The following ARID1A variants were observed in gnomAD, a reference collection of about 807,000 sequenced individuals.
ARID1A encodes AT-rich interaction domain 1A, also known as AT-rich interactive domain-containing protein 1A.
ARID1A carries 20 observed loss-of-function variants against 212.6 expected under a neutral mutation model. That is an observed-to-expected ratio of 0.09 (90% CI 0.07 to 0.14). The LOEUF (loss-of-function observed/expected upper bound fraction) is 0.14. Ranked by LOEUF, ARID1A falls within the 10% of genes least tolerant of loss-of-function variation. The pLI is 1.00. For missense variants in ARID1A, 2,587 were observed against 3,059.0 expected (o/e 0.85, Z 3.64); for synonymous variants, 1,376 against 1,222.1 (o/e 1.13, Z -2.63).
At chr1:26,714,226 G>T (rs2080480253) in intron 1 of ARID1A, among the ~76,000 whole-genome samples, 1 of 152,156 alleles carries the variant, frequency 6.6e-6, no homozygotes, top group South Asian at 2.1e-4. Context: ...TGAAGTGAGG[G>T]TCTCCTGTAC....
chr1:26,773,233 G>A lies in ARID1A; in HGVS notation c.3716-113G>A, dbSNP rs910913032. The A allele has an allele frequency of 3.5e-5, 50 of 1,429,306 alleles. No homozygotes were observed. In the African/African-American group the frequency reaches 6.6e-4, roughly 19 times the overall value. 88.5% of individuals were successfully genotyped at this position (1,429,306 alleles called of 1,614,324 possible). A position where few individuals can be genotyped will look rare whatever the true frequency, so the allele number is the denominator to read the frequency against. On this transcript the variant is annotated intron_variant, in intron 14 of 19. Transcript: ENST00000324856. ...CTCTTTAGATCTCTGTTTTGAACTT[G>A]TCTGGAAAACAATGAGATCAAACCT...
Position 26,696,456 on chromosome 1 carries a change from C to T in ARID1A, c.53C>T (p.Pro18Leu). The change falls in exon 1 of 20, where the codon CCG becomes CTG. Residue 18 changes from proline to leucine, a missense_variant. By Grantham distance (98) the Pro-to-Leu change is moderately conservative (BLOSUM62 -3). Transcript: ENST00000324856. Reference protein sequence around the residue: ...AAASSLGNPPPPPPSELKKAE... With the variant: ...AAASSLGNPPLPPPSELKKAE... ...GCCAGCAGCCTGGGCAACCCGCCGC[C>T]GCCGCCGCCCTCGGAGCTGAAGAAA... 1 of 1,290,352 alleles carries T rather than the reference C, an allele frequency of 7.7e-7. No individual in the cohort carries two copies. The highest frequency in any genetic ancestry group is 9.8e-7 in the Non-Finnish European group (1 of 1,020,718). 79.9% of individuals were successfully genotyped at this position (1,290,352 alleles called of 1,614,324 possible).
chr1:26,771,567 A>G lies in ARID1A; in HGVS notation c.3406+241A>G. The G allele has an allele frequency of 1.8e-6, 1 of 545,082 alleles. No homozygotes were observed. The highest frequency in any genetic ancestry group is 2.3e-5 in the South Asian group (1 of 43,832). 33.8% of individuals were successfully genotyped at this position (545,082 alleles called of 1,614,324 possible). A position where few individuals can be genotyped will look rare whatever the true frequency, so the allele number is the denominator to read the frequency against. On this transcript the variant is annotated intron_variant, in intron 12 of 19. Coordinates refer to ENST00000324856, the MANE Select transcript of ARID1A (RefSeq NM_006015.6). The surrounding 1 kb of genome is among the most constrained non-coding windows in gnomAD (Gnocchi z 5.4). Reference sequence around the variant, plus strand: ...TGTTGTGCAGCTGACAACTTGCCAAATGTTTGTAAACTGGTGAATGGGAGG... The same window carrying G: ...TGTTGTGCAGCTGACAACTTGCCAAGTGTTTGTAAACTGGTGAATGGGAGG...
At chr1:26,749,967 C>G (rs192381238) in intron 4 of ARID1A, among the ~76,000 whole-genome samples, 2 of 152,302 alleles carry the variant, frequency 1.3e-5, no homozygotes, top group African/African-American at 4.8e-5. Flanking sequence ...AAAGAGGATG[C>G]TTTTGAGTAG....
intron 1 of ARID1A, among the ~76,000 whole-genome samples, chr1:26,706,249 G>A (rs1264488555): frequency 6.6e-6 from 1 of 152,040 alleles, no homozygotes; most frequent in African/African-American, 2.4e-5. Context: ...TCCTCCCTTG[G>A]CACTGGCAGA....
chr1:26,757,354 C>T lies in ARID1A; in HGVS notation c.1921-3502C>T, dbSNP rs201870883. ...GCATGGTGGCGGGTGCCTGTAGTCCCAGCTACTCAGGAGGCTGAGGCAGGA... is the reference window on the plus strand; with the variant it reads ...GCATGGTGGCGGGTGCCTGTAGTCCTAGCTACTCAGGAGGCTGAGGCAGGA... On this transcript the variant is annotated intron_variant, in intron 4 of 19. Transcript: ENST00000324856. 2.4e-4 allele frequency among the ~76,000 whole-genome samples: 36 copies of T among 151,384 alleles called. No homozygotes were observed. The East Asian group carries it at 7.1e-3, about 30-fold the overall frequency.
chr1:26,732,604 C>T (rs1293001500), intron 3 of ARID1A, 72 bp from the exon 4 acceptor site: 1 of 1,249,862 alleles, frequency 8.0e-7, no homozygotes. Context: ...TCCCATAACC[C>T]TTTCACAGTG....
rs547509492 is a variant in ARID1A, at chr1:26,699,791, A to G, written c.1137+2251A>G. On this transcript the variant is annotated intron_variant, in intron 1 of 19. Transcript: ENST00000324856. ...CATTTGGGGTAGTAAGTCAGGGTTC[A>G]TTTAAAAGCAAAATTGATTGGAATT... Among the ~76,000 whole-genome samples the G allele has an allele frequency of 3.9e-5, 6 of 152,320 alleles. No homozygotes were observed. The South Asian group carries it at 1.2e-3, about 32-fold the overall frequency.
chr1:26,759,936 C>T (rs1363814149), intron 4 of ARID1A, among the ~76,000 whole-genome samples: 2 of 152,186 alleles, frequency 1.3e-5, no homozygotes, highest in South Asian at 4.1e-4. Flanking sequence ...CCTCCTACCC[C>T]TTATGTTGCA....
chr1:26,705,460 C>A (rs928069031), intron 1 of ARID1A, among the ~76,000 whole-genome samples: 3 of 150,822 alleles, frequency 2.0e-5, no homozygotes, highest in African/African-American at 7.3e-5. Flanking sequence ...TTCCCCCCCC[C>A]TCAAGTAATG....
intron 1 of ARID1A, among the ~76,000 whole-genome samples, chr1:26,714,691 A>G (rs1410307221): frequency 6.6e-6 from 1 of 152,178 alleles, no homozygotes; most frequent in Admixed American, 6.5e-5. Flanking sequence ...CTGGGATGAC[A>G]GGCATGAGCC....
intron 4 of ARID1A, among the ~76,000 whole-genome samples, chr1:26,749,290 C>T (rs1049895489): frequency 6.6e-6 from 1 of 152,144 alleles, no homozygotes; most frequent in African/African-American, 2.4e-5. Flanking sequence ...CCTAGAATTT[C>T]TCCGGGGGTA....
chr1:26,719,038 G>T (rs531861749), intron 1 of ARID1A, among the ~76,000 whole-genome samples: 1 of 152,138 alleles, frequency 6.6e-6, no homozygotes. Flanking sequence ...ATAATGGGGG[G>T]TACTCCTGTA....
rs1447072180 is a variant in ARID1A at position 26,774,501 on chromosome 1, A to G, written c.4274A>G (p.Gln1425Arg). 1.9e-6 allele frequency: 3 copies of G among 1,613,694 alleles called. No homozygotes were observed. Among genetic ancestry groups the G allele is most frequent in the Middle Eastern group, 1.7e-4 (1 of 6,054 alleles). ...QQQAAQPSPQ[Q>R]DVYNQYGNAY... Reference sequence around the variant, plus strand: ...CAAGCTGCCCAGCCTTCCCCTCAGCAAGATGTATACAACCAGTATGGCAAT... The same window carrying G: ...CAAGCTGCCCAGCCTTCCCCTCAGCGAGATGTATACAACCAGTATGGCAAT... The change falls in exon 18 of 20, where the codon CAA becomes CGA. Residue 1425 changes from glutamine (Q) to arginine (R), a missense_variant. Transcript: ENST00000324856. This position sits in a 1 kb window ranked among gnomAD's most constrained non-coding sequence, Gnocchi z 5.6.
intron 1 of ARID1A, among the ~76,000 whole-genome samples, chr1:26,706,497 A>G (rs1287431202): frequency 3.9e-5 from 6 of 152,154 alleles, no homozygotes; most frequent in Non-Finnish European, 8.8e-5. Context: ...TGAGGTCACA[A>G]CGTGCTTGCC....
chr1:26,708,176 A>ATCTGGTCC (rs1425408989), intron 1 of ARID1A, among the ~76,000 whole-genome samples: 1 of 145,514 alleles, frequency 6.9e-6, no homozygotes, highest in Admixed American at 7.0e-5. Context: ...AACTGGCAGC[A>ATCTGGTCC]TCTGGTCCTC....
chr1:26,757,913 C>T (rs779481922), intron 4 of ARID1A, among the ~76,000 whole-genome samples: 1 of 152,156 alleles, frequency 6.6e-6, no homozygotes, highest in Non-Finnish European at 1.5e-5. Context: ...GCTGGGATTA[C>T]GGACATGAGC....
rs142497913 is a variant in ARID1A, at chr1:26,706,953, C to G, written c.1137+9413C>G. Among the ~76,000 whole-genome samples, 23 of 152,052 alleles carry G rather than the reference C, an allele frequency of 1.5e-4. No homozygotes were observed. The East Asian group carries it at 2.9e-3, about 19-fold the overall frequency. On this transcript the variant is annotated intron_variant, in intron 1 of 19. Transcript: ENST00000324856. The stretch of plus-strand genomic sequence containing the variant: ...TAGGAATTTAGGCTTCTAAAGAGAA[C>G]CATATTACAAAGCTTTTGGGGAACA...
At chr1:26,770,834 A>G in intron 11 of ARID1A, 1 of 410,160 alleles carries the variant, frequency 2.4e-6, no homozygotes, top group Admixed American at 4.2e-5. Context: ...GCAGCGTACT[A>G]AAAAACCGGA....
Sources: gnomAD v4.1 joint callset for allele counts (sites outside exome capture counted in the v4.1 genomes callset) on GRCh38, gnomAD v4.1.1 for gene constraint, Gnocchi (gnomAD v3.1) non-coding constraint, MANE v1.5 for transcripts, NCBI Gene and HGNC (gene_info 2026-07-23, HGNC 2026-07-21) for gene names.